PTK2: variants seen among roughly 807,000 people sequenced by gnomAD.
The protein encoded by PTK2 is protein tyrosine kinase 2.
A neutral mutation model predicts 150.1 loss-of-function variants in PTK2; 45 were observed. That is an observed-to-expected ratio of 0.30 (90% CI 0.24 to 0.38). The LOEUF (loss-of-function observed/expected upper bound fraction) is 0.38, where lower values mean the gene tolerates loss of function less well. Ranked by LOEUF, PTK2 falls within the 10% of genes least tolerant of loss-of-function variation. The pLI, the probability that PTK2 is intolerant of heterozygous loss-of-function variation, is 1.00. For synonymous variants in PTK2, 432 were observed against 449.2 expected (o/e 0.96, Z 0.48); for missense variants, 919 against 1,307.3 (o/e 0.70, Z 4.58).
At chr8:140,943,216 A>G (rs2100176463) in intron 1 of PTK2, among the ~76,000 whole-genome samples, 1 of 152,068 alleles carries the variant, frequency 6.6e-6, no homozygotes, top group African/African-American at 2.4e-5. Flanking sequence ...TATTTCCATC[A>G]CCCCAAGAAG....
intron 2 of PTK2, among the ~76,000 whole-genome samples, chr8:140,904,059 C>T (rs200886776): frequency 1.3e-5 from 2 of 152,200 alleles, no homozygotes; most frequent in African/African-American, 2.4e-5. Flanking sequence ...TGGTGAGAGA[C>T]GGCATCCTTG....
intron 21 of PTK2, among the ~76,000 whole-genome samples, 186 bp downstream of exon 24, chr8:140,738,832 C>T (rs2100054027): frequency 6.6e-6 from 1 of 152,070 alleles, no homozygotes; most frequent in Admixed American, 6.5e-5. Flanking sequence ...AGAAGCTGTG[C>T]CCAGAAGCTG....
intron 5 of PTK2, among the ~76,000 whole-genome samples, chr8:140,847,489 C>T (rs981603960): frequency 6.6e-6 from 1 of 152,140 alleles, no homozygotes; most frequent in Non-Finnish European, 1.5e-5. Flanking sequence ...GTAGATTAGC[C>T]TGAAAAGATT....
At chr8:140,885,142 T>C (rs1251806818) in intron 3 of PTK2, among the ~76,000 whole-genome samples, 1 of 152,218 alleles carries the variant, frequency 6.6e-6, no homozygotes, top group Non-Finnish European at 1.5e-5. Flanking sequence ...CCTTGTAATG[T>C]CTTTTTAAAA....
intron 23 of PTK2, among the ~76,000 whole-genome samples, chr8:140,712,588 T>C (rs1443727913): frequency 6.6e-6 from 1 of 152,220 alleles, no homozygotes; most frequent in African/African-American, 2.4e-5. Context: ...CCACTATTTA[T>C]CTTGTACTTT....
chr8:140,915,512 G>T (rs1161297138), intron 2 of PTK2, among the ~76,000 whole-genome samples: 3 of 152,104 alleles, frequency 2.0e-5, no homozygotes, highest in African/African-American at 7.2e-5. Flanking sequence ...CTGGGAGTGG[G>T]AATGCTAAAC....
At chr8:140,872,782 G>A (rs1156260831) in intron 4 of PTK2, among the ~76,000 whole-genome samples, 1 of 152,174 alleles carries the variant, frequency 6.6e-6, no homozygotes, top group Non-Finnish European at 1.5e-5. Flanking sequence ...AATCTCGTTA[G>A]GTTTTTTCAC....
chr8:140,746,160 C>T (rs1428021279), intron 18 of PTK2, among the ~76,000 whole-genome samples: 1 of 152,018 alleles, frequency 6.6e-6, no homozygotes, highest in African/African-American at 2.4e-5. Context: ...AGTGAAACCC[C>T]GTCTCTATAA....
At chr8:140,661,025 A>G (rs1226989749) in intron 31 of PTK2, among the ~76,000 whole-genome samples, 1 of 152,220 alleles carries the variant, frequency 6.6e-6, no homozygotes, top group African/African-American at 2.4e-5. Context: ...CACGTAGTAG[A>G]AAAGTACATA....
intron 27 of PTK2, among the ~76,000 whole-genome samples, chr8:140,676,788 A>AAAAAAAAAAC (rs2100014102): frequency 6.8e-6 from 1 of 146,412 alleles, no homozygotes. Flanking sequence ...AAAAAAAAAA[A>AAAAAAAAAAC]ATAGCCAGGT....
At chr8:140,878,659 A>G (rs1039825977) in intron 4 of PTK2, among the ~76,000 whole-genome samples, 14 of 152,094 alleles carry the variant, frequency 9.2e-5, no homozygotes, top group African/African-American at 3.4e-4. Flanking sequence ...ACCCTAATCA[A>G]TCTAGATCCT....
chr8:140,923,866 G>C (rs920185017), intron 2 of PTK2, among the ~76,000 whole-genome samples: 6 of 152,136 alleles, frequency 3.9e-5, no homozygotes, highest in Admixed American at 3.3e-4. Flanking sequence ...CAGGCTGCCT[G>C]GATTACAGCC....
chr8:140,936,370 G>A (rs182348275), intron 1 of PTK2, among the ~76,000 whole-genome samples: 21 of 152,210 alleles, frequency 1.4e-4, no homozygotes, highest in Admixed American at 7.8e-4. Flanking sequence ...TGTACTGAGC[G>A]CTCACGAAGT....
exon 31 of PTK2, chr8:140,664,985 C>T (rs1378002074): frequency 6.2e-7 from 1 of 1,613,794 alleles, no homozygotes; most frequent in East Asian, 2.2e-5. Flanking sequence ...GTCCTCAGGG[C>T]CAAGCCGACT....
chr8:140,973,499 C>T (rs6982430), intron 1 of PTK2, among the ~76,000 whole-genome samples: 5,008 of 150,664 alleles, frequency 0.033, 282 homozygotes, highest in African/African-American at 0.11. Flanking sequence ...TACACACACA[C>T]GTAAAAAAAA....
At chr8:140,923,468 G>A (rs1289986921) in intron 2 of PTK2, among the ~76,000 whole-genome samples, 1 of 152,210 alleles carries the variant, frequency 6.6e-6, no homozygotes, top group African/African-American at 2.4e-5. Context: ...AGGTCAAAGA[G>A]CTGCAAAATG....
At chr8:140,927,975 A>AAAAAAAAAAAAAAAAATATATAT in intron 1 of PTK2, among the ~76,000 whole-genome samples, 1 of 48,196 alleles carries the variant, frequency 2.1e-5, no homozygotes, top group Non-Finnish European at 3.4e-5. Flanking sequence ...AAAAAAAAAA[A>AAAAAAAAAAAAAAAAATATATAT]ATATATATAT....
intron 26 of PTK2, 123 bp downstream of exon 29, chr8:140,700,768 T>A (rs2100029767): frequency 7.5e-7 from 1 of 1,340,748 alleles, no homozygotes; most frequent in African/African-American, 1.5e-5. Flanking sequence ...TATTCCAAGT[T>A]TTAAGAAGTA....
intron 8 of PTK2, chr8:140,821,512 C>A (rs1217351346): frequency 1.3e-5 from 2 of 152,314 alleles, no homozygotes; most frequent in East Asian, 3.9e-4. Flanking sequence ...AAAATAAAGT[C>A]ATGTTAACCC....
Sources: gnomAD v4.1 joint callset for allele counts (sites outside exome capture counted in the v4.1 genomes callset) on GRCh38, gnomAD v4.1.1 for gene constraint, MANE v1.5 for transcripts, NCBI Gene and HGNC (gene_info 2026-07-23, HGNC 2026-07-21) for gene names.